SKAP2: variants seen among roughly 807,000 people sequenced by gnomAD.
The protein encoded by SKAP2 is src kinase associated phosphoprotein 2.
SKAP2 carries 28 observed loss-of-function variants against 54.9 expected under a neutral mutation model. That is an observed-to-expected ratio of 0.51 (90% CI 0.38 to 0.70). The LOEUF is 0.70. SKAP2 is among the 30% of genes least tolerant of loss of function. The pLI, the probability that SKAP2 is intolerant of heterozygous loss-of-function variation, is 0.00. For synonymous variants in SKAP2, 137 were observed against 134.3 expected, an observed-to-expected ratio of 1.02 and a Z score of -0.14; for missense variants, 356 against 424.1, an observed-to-expected ratio of 0.84 and a Z score of 1.41.
At position 26,809,874 on chromosome 7, in the gene SKAP2, T is replaced by C. The variant is rs139275853; in HGVS notation, c.307+34156A>G. Among the ~76,000 whole-genome samples the C allele has an allele frequency of 9.0e-3, 1,365 of 152,254 alleles. 9 individuals are homozygous for C. Among genetic ancestry groups the C allele is most frequent in the Admixed American group, 0.014 (212 of 15,290 alleles). ...CAGCCTAAGTGTCCATGAAGATGAA[T>C]AGATGAAGAAAATGTAGTATATGTA... On this transcript the variant is annotated intron_variant, in intron 4 of 12. Transcript: ENST00000345317.
chr7:26,698,652 T>A (rs557030923), intron 9 of SKAP2, among the ~76,000 whole-genome samples: 40 of 152,220 alleles, frequency 2.6e-4, no homozygotes, highest in South Asian at 8.3e-4. Context: ...ACCAGATGCG[T>A]AAGAATCTGA....
At chr7:26,802,476 G>C (rs1186322694) in intron 4 of SKAP2, among the ~76,000 whole-genome samples, 5 of 151,904 alleles carry the variant, frequency 3.3e-5, no homozygotes, top group African/African-American at 1.2e-4. Context: ...TCTCCATGTT[G>C]GTCAGGCTGG....
intron 4 of SKAP2, among the ~76,000 whole-genome samples, chr7:26,831,320 T>C (rs1784589244): frequency 6.6e-6 from 1 of 152,188 alleles, no homozygotes; most frequent in Non-Finnish European, 1.5e-5. Context: ...AGGCATGATA[T>C]ATTTGCTATA....
chr7:26,849,236 CTGCTTTCTAAGTAAATCTA>C (rs1387893756), intron 3 of SKAP2, among the ~76,000 whole-genome samples: 1 of 152,198 alleles, frequency 6.6e-6, no homozygotes, highest in African/African-American at 2.4e-5. Flanking sequence ...TCAAAGGAAA[CTGCTTTCTAAGTAAATCTA>C]TGCATATTTA....
intron 1 of SKAP2, chr7:26,857,760 G>A: frequency 2.0e-6 from 2 of 983,514 alleles, no homozygotes; most frequent in Non-Finnish European, 2.4e-6. Context: ...CAGAGCCAGG[G>A]TAATATTTCA....
In SKAP2 at chr7:26,785,336, G is replaced by A. The variant is rs200659837; in HGVS notation, c.308-45372C>T. On this transcript the variant is annotated intron_variant, in intron 4 of 12. Coordinates refer to ENST00000345317, the MANE Select transcript of SKAP2 (RefSeq NM_003930.5). ...CGAGTAGCTGGGACTACAGGCGCCC[G>A]CCACCACACCGGGCTAATTTTTTGT... is the stretch of plus-strand genomic sequence containing the variant. Among the ~76,000 whole-genome samples the A allele has an allele frequency of 9.2e-5, 14 of 152,012 alleles. No individual in the cohort carries two copies. In the East Asian group the frequency reaches 1.7e-3, roughly 19 times the overall value.
chr7:26,725,577 A>G lies in SKAP2; in HGVS notation c.659-12T>C. ...ATCAGATTCCATATCTATAAAACAC[A>G]TTTCATGAAGTAAATTTTAAAAGAA... On this transcript the variant is annotated splice_polypyrimidine_tract_variant and intron_variant, in intron 8 of 12. Transcript: ENST00000345317. 6.4e-7 allele frequency: 1 copy of G among 1,563,552 alleles called. No individual in the cohort carries two copies. The highest frequency in any genetic ancestry group is 8.6e-7 in the Non-Finnish European group (1 of 1,156,448).
intron 4 of SKAP2, among the ~76,000 whole-genome samples, chr7:26,758,538 T>A (rs1237918380): frequency 6.6e-6 from 1 of 152,206 alleles, no homozygotes; most frequent in African/African-American, 2.4e-5. Flanking sequence ...GTTTTCACTC[T>A]GCTTGAAATG....
At chr7:26,833,109 A>T (rs748898837) in intron 4 of SKAP2, among the ~76,000 whole-genome samples, 19 of 152,140 alleles carry the variant, frequency 1.2e-4, no homozygotes, top group Non-Finnish European at 2.8e-4. Context: ...GCACCAAAAA[A>T]GTATGCAGAG....
intron 6 of SKAP2, among the ~76,000 whole-genome samples, chr7:26,736,201 TAGG>T (rs1244894087): frequency 6.6e-5 from 10 of 152,216 alleles, no homozygotes; most frequent in African/African-American, 2.4e-4. Context: ...CATGATGAGA[TAGG>T]AGGTTGGCAC....
At chr7:26,660,171 G>A in the SKAP2 span, among the ~76,000 whole-genome samples, 1 of 151,882 alleles carries the variant, frequency 6.6e-6, no homozygotes, top group Non-Finnish European at 1.5e-5. Context: ...TTCATTTTTT[G>A]TGTGTTTCTA....
intron 9 of SKAP2, among the ~76,000 whole-genome samples, chr7:26,714,548 C>T (rs370613783): frequency 9.9e-4 from 150 of 152,264 alleles, no homozygotes; most frequent in Non-Finnish European, 1.5e-3. Flanking sequence ...TAGCACTTGC[C>T]GAGGCCAGAT....
At chr7:26,752,170 T>C (rs1213652113) in intron 4 of SKAP2, among the ~76,000 whole-genome samples, 1 of 152,106 alleles carries the variant, frequency 6.6e-6, no homozygotes, top group Non-Finnish European at 1.5e-5. Flanking sequence ...ACTTATAAGC[T>C]TTATAACAAC....
At chr7:26,802,752 G>T (rs112574112) in intron 4 of SKAP2, among the ~76,000 whole-genome samples, 1 of 151,988 alleles carries the variant, frequency 6.6e-6, no homozygotes, top group Non-Finnish European at 1.5e-5. Flanking sequence ...ATGGTAGCAC[G>T]TGCCTGTAGT....
intron 4 of SKAP2, among the ~76,000 whole-genome samples, chr7:26,769,212 A>G (rs945665662): frequency 6.6e-6 from 1 of 151,980 alleles, no homozygotes; most frequent in East Asian, 1.9e-4. Flanking sequence ...TTCATCTTCA[A>G]TCTCTGATAT....
At chr7:26,816,177 AAAG>A (rs1222017742) in intron 4 of SKAP2, among the ~76,000 whole-genome samples, 1 of 152,164 alleles carries the variant, frequency 6.6e-6, no homozygotes, top group African/African-American at 2.4e-5. Context: ...AAAGAATGCT[AAAG>A]AAGTAGCAAC....
At chr7:26,825,773 A>G (rs1317182105) in intron 4 of SKAP2, among the ~76,000 whole-genome samples, 1 of 152,184 alleles carries the variant, frequency 6.6e-6, no homozygotes, top group Non-Finnish European at 1.5e-5. Flanking sequence ...AGCATGCTAA[A>G]TAATTATTTT....
rs561978930 is a variant in SKAP2 at position 26,838,335 on chromosome 7, A to G, written c.307+5695T>C. Among the ~76,000 whole-genome samples, 4 of 152,160 alleles carry G rather than the reference A, an allele frequency of 2.6e-5. No individual in the cohort carries two copies. The South Asian group carries it at 6.2e-4, about 24-fold the overall frequency. On this transcript the variant is annotated intron_variant, in intron 4 of 12. Transcript: ENST00000345317. The stretch of plus-strand genomic sequence containing the variant: ...TCAATACCACCTCTGGTCGTCACCC[A>G]TATCTTCCCCATGCAGATCACCTCA...
chr7:26,856,497 A>C (rs1785166684), intron 1 of SKAP2, among the ~76,000 whole-genome samples: 1 of 152,234 alleles, frequency 6.6e-6, no homozygotes, highest in African/African-American at 2.4e-5. Flanking sequence ...ATCTAGTACC[A>C]GTGCAAATTA....
Sources: gnomAD v4.1 joint callset for allele counts (sites outside exome capture counted in the v4.1 genomes callset) on GRCh38, gnomAD v4.1.1 for gene constraint, MANE v1.5 for transcripts, NCBI Gene and HGNC (gene_info 2026-07-23, HGNC 2026-07-21) for gene names.